Variants in GNG2 observed in about 807,000 individuals in gnomAD.
GNG2 encodes G protein subunit gamma 2.
A neutral mutation model predicts 5.5 loss-of-function variants in GNG2; 5 were observed. The observed-to-expected ratio is 0.91, with a 90% confidence interval of 0.48 to 1.92. The LOEUF (loss-of-function observed/expected upper bound fraction) is 1.92, where lower values mean the gene tolerates loss of function less well. GNG2 is among the 30% of genes most tolerant of loss of function. The pLI, the probability that GNG2 is intolerant of heterozygous loss-of-function variation, is 0.01. For synonymous variants in GNG2, 28 were observed against 32.0 expected, an observed-to-expected ratio of 0.88 and a Z score of 0.42; for missense variants, 55 against 88.4, an observed-to-expected ratio of 0.62 and a Z score of 1.52.
At chr14:51,883,607 G>A (rs1486143289) in intron 2 of GNG2, among the ~76,000 whole-genome samples, 1 of 152,162 alleles carries the variant, frequency 6.6e-6, no homozygotes, top group Admixed American at 6.5e-5. Context: ...GAATTTATGA[G>A]TTTAAAATCA....
chr14:51,917,898 C>T (rs973484866), intron 2 of GNG2, among the ~76,000 whole-genome samples: 8 of 151,786 alleles, frequency 5.3e-5, no homozygotes, highest in South Asian at 2.1e-4. Flanking sequence ...TGGTGGCGGG[C>T]GCCTGTAGTC....
At chr14:51,853,883 ATTTCTTTTTTT>A (rs146422437) in intron 2 of GNG2, among the ~76,000 whole-genome samples, 2,079 of 146,892 alleles carry the variant, frequency 0.014, 47 homozygotes, top group African/African-American at 0.049. Flanking sequence ...TTGTCCCTGA[ATTTCTTTTTTT>A]TTTCTTTTTT....
intron 1 of GNG2, among the ~76,000 whole-genome samples, chr14:51,862,129 A>C (rs1882535669): frequency 6.6e-6 from 1 of 152,172 alleles, no homozygotes; most frequent in Non-Finnish European, 1.5e-5. Flanking sequence ...TATGAAATCG[A>C]TATGGCTTCT....
chr14:51,954,416 T>A (rs946641356), intron 3 of GNG2, among the ~76,000 whole-genome samples: 3 of 151,916 alleles, frequency 2.0e-5, no homozygotes, highest in African/African-American at 7.3e-5. Context: ...AAAGACAAAA[T>A]GAAAGAAACC....
At chr14:51,914,296 G>A (rs1277258231) in intron 2 of GNG2, 7 of 701,974 alleles carry the variant, frequency 1.0e-5, no homozygotes, top group Admixed American at 2.0e-5. Flanking sequence ...AAGGACTGCC[G>A]TCTCAGGCCA....
intron 2 of GNG2, chr14:51,841,358 A>G: frequency 2.2e-6 from 1 of 463,366 alleles, no homozygotes; most frequent in Non-Finnish European, 3.8e-6. Context: ...GATTCTGAAT[A>G]TTTGACCAGG....
At chr14:51,929,918 C>G (rs1887555707) in intron 2 of GNG2, among the ~76,000 whole-genome samples, 1 of 152,196 alleles carries the variant, frequency 6.6e-6, no homozygotes, top group African/African-American at 2.4e-5. Context: ...ATGATATTAT[C>G]TGTCCCTGTC....
At chr14:51,926,191 G>C (rs1420709566) in intron 2 of GNG2, among the ~76,000 whole-genome samples, 4 of 152,042 alleles carry the variant, frequency 2.6e-5, no homozygotes, top group East Asian at 3.9e-4. Flanking sequence ...TCATTTTTCT[G>C]TCTTCCGAAG....
intron 2 of GNG2, among the ~76,000 whole-genome samples, chr14:51,907,577 T>A (rs2140193517): frequency 6.6e-6 from 1 of 152,352 alleles, no homozygotes; most frequent in South Asian, 2.1e-4. Context: ...GTTCTCTCCT[T>A]TTCTCATTGT....
intron 2 of GNG2, among the ~76,000 whole-genome samples, chr14:51,886,946 C>A (rs573164939): frequency 6.6e-6 from 1 of 152,128 alleles, no homozygotes; most frequent in African/African-American, 2.4e-5. Context: ...ACCTTCATCA[C>A]GGAAGTCTTG....
chr14:51,950,049 A>G lies in GNG2; in HGVS notation c.-29-601A>G, dbSNP rs141034348. Among the ~76,000 whole-genome samples the G allele has an allele frequency of 9.2e-5, 14 of 152,276 alleles. No individual in the cohort carries two copies. In the East Asian group the frequency reaches 2.7e-3, roughly 29 times the overall value. ...GCCACCATGCCCAGCCAAGAACTCTACTCTCAAAATGTTTATGTTCCAGAT... is the reference window on the plus strand; with the variant it reads ...GCCACCATGCCCAGCCAAGAACTCTGCTCTCAAAATGTTTATGTTCCAGAT... On this transcript the variant is annotated intron_variant, in intron 2 of 3. Transcript: ENST00000556766.
intron 2 of GNG2, among the ~76,000 whole-genome samples, chr14:51,941,127 T>C (rs1182994014): frequency 3.9e-5 from 6 of 152,104 alleles, no homozygotes; most frequent in African/African-American, 1.4e-4. Context: ...GATGATGGAT[T>C]ACTTACTTGC....
rs1275010091 is a variant in GNG2 at position 51,918,384 on chromosome 14, C to T, written c.-29-32266C>T. On this transcript the variant is annotated intron_variant, in intron 2 of 3. Coordinates refer to ENST00000556766, the MANE Select transcript of GNG2 (RefSeq NM_053064.5). ...AAAAAATAAAGTCAACTTTTACCTCCTTCATTTGAAAAAAAAAAAGCAGAT... is the reference window on the plus strand; with the variant it reads ...AAAAAATAAAGTCAACTTTTACCTCTTTCATTTGAAAAAAAAAAAGCAGAT... Among the ~76,000 whole-genome samples, 3 of 151,734 alleles carry T rather than the reference C, an allele frequency of 2.0e-5. No homozygotes were observed. The East Asian group carries it at 5.8e-4, about 29-fold the overall frequency.
At chr14:51,924,222 A>T (rs1194950657) in intron 2 of GNG2, among the ~76,000 whole-genome samples, 2 of 152,198 alleles carry the variant, frequency 1.3e-5, no homozygotes, top group East Asian at 3.8e-4. Context: ...CTTAATCTGA[A>T]AATAGGAATG....
upstream of GNG2, among the ~76,000 whole-genome samples, chr14:51,859,483 C>T (rs1471037003): frequency 6.6e-6 from 1 of 152,204 alleles, no homozygotes; most frequent in Non-Finnish European, 1.5e-5. Flanking sequence ...GGCCCAACAT[C>T]CTCTAAAAAT....
At chr14:51,880,637 T>G (rs553453736) in intron 2 of GNG2, among the ~76,000 whole-genome samples, 4 of 152,282 alleles carry the variant, frequency 2.6e-5, no homozygotes, top group African/African-American at 7.2e-5. Flanking sequence ...AATACAGACC[T>G]GAAGTCCAAA....
At chr14:51,846,644 T>C (rs1881635786) in intron 2 of GNG2, among the ~76,000 whole-genome samples, 1 of 152,194 alleles carries the variant, frequency 6.6e-6, no homozygotes, top group African/African-American at 2.4e-5. Flanking sequence ...GTTTCCTTGG[T>C]GGAACGCAGG....
intron 1 of GNG2, among the ~76,000 whole-genome samples, chr14:51,871,746 T>C (rs1193168160): frequency 6.6e-6 from 1 of 152,204 alleles, no homozygotes; most frequent in Non-Finnish European, 1.5e-5. Flanking sequence ...CCAACATTAA[T>C]CATAGGTGCT....
intron 1 of GNG2, among the ~76,000 whole-genome samples, chr14:51,875,075 A>G (rs1357384703): frequency 6.6e-6 from 1 of 152,254 alleles, no homozygotes; most frequent in Non-Finnish European, 1.5e-5. Flanking sequence ...TGCATGTAAC[A>G]GTGGCCTGAT....
Sources: allele counts gnomAD v4.1 joint callset (sites outside exome capture counted in the v4.1 genomes callset), GRCh38; gene constraint gnomAD v4.1.1; transcripts MANE v1.5; gene names NCBI Gene and HGNC (gene_info 2026-07-23, HGNC 2026-07-21).